The following TAFA4 variants were observed in gnomAD, a reference collection of about 807,000 sequenced individuals.
The protein encoded by TAFA4 is TAFA chemokine like family member 4.
A neutral mutation model predicts 21.1 loss-of-function variants in TAFA4; 20 were observed. The ratio of observed to expected loss-of-function variants is 0.95; its 90% CI spans 0.67 to 1.38. The LOEUF (loss-of-function observed/expected upper bound fraction) is 1.38, where lower values mean the gene tolerates loss of function less well. Ranked by LOEUF, TAFA4 falls within the 40% of genes most tolerant of loss-of-function variation. The pLI, the probability that TAFA4 is intolerant of heterozygous loss-of-function variation, is 0.00. For synonymous variants in TAFA4, 71 were observed against 67.4 expected (o/e 1.05, Z -0.26); for missense variants, 211 against 180.9 (o/e 1.17, Z -0.95).
intron 1 of TAFA4, among the ~76,000 whole-genome samples, chr3:68,911,703 GA>G (rs1241330396): frequency 6.6e-6 from 1 of 152,198 alleles, no homozygotes; most frequent in Non-Finnish European, 1.5e-5. Flanking sequence ...GCAGGGAGGG[GA>G]TAAGGAGGGA....
chr3:68,812,955 C>G (rs897358599), intron 3 of TAFA4, among the ~76,000 whole-genome samples: 1 of 152,088 alleles, frequency 6.6e-6, no homozygotes, highest in South Asian at 2.1e-4. Context: ...TGTAAAAGAA[C>G]AGAAATTATA....
intron 3 of TAFA4, among the ~76,000 whole-genome samples, chr3:68,805,074 C>T (rs557988761): frequency 3.3e-5 from 5 of 152,094 alleles, no homozygotes; most frequent in Non-Finnish European, 7.3e-5. Context: ...GGCTAATATC[C>T]AGAATCTACA....
At chr3:68,765,002 A>T (rs182224765) in intron 3 of TAFA4, among the ~76,000 whole-genome samples, 257 of 152,286 alleles carry the variant, frequency 1.7e-3, no homozygotes, top group Non-Finnish European at 2.7e-3. Flanking sequence ...TAACCAAAAG[A>T]CAAAGAAGCC....
At chr3:68,785,085 G>C (rs1056709707) in intron 3 of TAFA4, among the ~76,000 whole-genome samples, 1 of 152,034 alleles carries the variant, frequency 6.6e-6, no homozygotes, top group African/African-American at 2.4e-5. Flanking sequence ...TAGCTACAAA[G>C]TGTCGATTGG....
intron 3 of TAFA4, among the ~76,000 whole-genome samples, chr3:68,790,835 C>A (rs555951563): frequency 6.6e-6 from 1 of 152,310 alleles, no homozygotes; most frequent in South Asian, 2.1e-4. Flanking sequence ...GTCTCAGGAA[C>A]CCTACTTTGG....
intron 3 of TAFA4, among the ~76,000 whole-genome samples, chr3:68,809,775 A>G (rs1403170154): frequency 6.6e-6 from 1 of 152,104 alleles, no homozygotes; most frequent in Non-Finnish European, 1.5e-5. Flanking sequence ...CTGCATGTGG[A>G]TACCCAGTTC....
At chr3:68,818,493 C>T (rs1704037916) in intron 3 of TAFA4, among the ~76,000 whole-genome samples, 1 of 152,244 alleles carries the variant, frequency 6.6e-6, no homozygotes, top group Non-Finnish European at 1.5e-5. Context: ...TAGCTTTCAG[C>T]ATATCCCAGC....
intron 4 of TAFA4, among the ~76,000 whole-genome samples, chr3:68,744,198 C>T (rs986125357): frequency 2.6e-5 from 4 of 152,188 alleles, no homozygotes; most frequent in African/African-American, 9.7e-5. Flanking sequence ...GCAGTCTTGA[C>T]AGGTGGCCAG....
At chr3:68,824,919 C>A (rs1361957596) in intron 3 of TAFA4, among the ~76,000 whole-genome samples, 1 of 152,140 alleles carries the variant, frequency 6.6e-6, no homozygotes, top group South Asian at 2.1e-4. Context: ...AACTCGCTGT[C>A]CGATGCTTGC....
chr3:68,812,857 A>G (rs1272124381), intron 3 of TAFA4, among the ~76,000 whole-genome samples: 4 of 151,866 alleles, frequency 2.6e-5, no homozygotes, highest in Non-Finnish European at 5.9e-5. Flanking sequence ...TCCACCCCAA[A>G]TCAACAGAAT....
chr3:68,837,182 T>C (rs1045272337), intron 3 of TAFA4, among the ~76,000 whole-genome samples: 1 of 152,156 alleles, frequency 6.6e-6, no homozygotes, highest in African/African-American at 2.4e-5. Context: ...CTTGAAGAAA[T>C]AAAATTTACC....
chr3:68,811,664 T>C (rs1703842367), intron 3 of TAFA4, among the ~76,000 whole-genome samples: 1 of 152,086 alleles, frequency 6.6e-6, no homozygotes, highest in Admixed American at 6.5e-5. Flanking sequence ...CCAAGAAATA[T>C]GGGACTATGT....
chr3:68,772,009 T>C (rs909390653), intron 3 of TAFA4, among the ~76,000 whole-genome samples: 4 of 151,160 alleles, frequency 2.6e-5, no homozygotes, highest in Non-Finnish European at 5.9e-5. Context: ...AAAATAAGTA[T>C]AAAAGGGAGG....
At chr3:68,784,386 C>G (rs1474010228) in intron 3 of TAFA4, among the ~76,000 whole-genome samples, 1 of 152,036 alleles carries the variant, frequency 6.6e-6, no homozygotes, top group Non-Finnish European at 1.5e-5. Context: ...TTTGTTCCTT[C>G]TGATGTTTGG....
chr3:68,887,652 A>C (rs1368123059), intron 1 of TAFA4, among the ~76,000 whole-genome samples: 2 of 152,116 alleles, frequency 1.3e-5, no homozygotes, highest in Non-Finnish European at 2.9e-5. Context: ...CCATCAAGGC[A>C]TACCACTTGT....
At chr3:68,851,936 C>T (rs2106910501) in intron 3 of TAFA4, among the ~76,000 whole-genome samples, 1 of 152,152 alleles carries the variant, frequency 6.6e-6, no homozygotes, top group African/African-American at 2.4e-5. Flanking sequence ...ACCAGGAGGG[C>T]TCCTTAAAAG....
chr3:68,741,321 G>A (rs1033076392), intron 4 of TAFA4, among the ~76,000 whole-genome samples: 1 of 152,076 alleles, frequency 6.6e-6, no homozygotes, highest in African/African-American at 2.4e-5. Context: ...TTAGTGTACT[G>A]ATTTTTTTAC....
At chr3:68,921,260 G>C (rs769795136) in intron 1 of TAFA4, among the ~76,000 whole-genome samples, 1 of 151,872 alleles carries the variant, frequency 6.6e-6, no homozygotes, top group African/African-American at 2.4e-5. Flanking sequence ...CAGTCCATCC[G>C]CTCTGCTTGG....
intron 1 of TAFA4, 123 bp downstream of exon 1, chr3:68,932,097 ATGAGGGGAGCTGCACCGAGC>A (rs1170334776): frequency 6.6e-6 from 1 of 151,962 alleles, no homozygotes; most frequent in Admixed American, 6.6e-5. Context: ...GAGAGCCGGG[ATGAGGGGAGCTGCACCGAGC>A]TGAGTTAACT....
Sources: gnomAD v4.1 joint callset for allele counts (sites outside exome capture counted in the v4.1 genomes callset) on GRCh38, gnomAD v4.1.1 for gene constraint, MANE v1.5 for transcripts, NCBI Gene and HGNC (gene_info 2026-07-23, HGNC 2026-07-21) for gene names.